PRMT8: variants seen among roughly 807,000 people sequenced by gnomAD.
PRMT8 encodes protein arginine N-methyltransferase 8.
In PRMT8, 7 loss-of-function variants were observed where a neutral mutation model predicts 47.1. The ratio of observed to expected loss-of-function variants is 0.15; its 90% CI spans 0.08 to 0.28. PRMT8 has a LOEUF of 0.28. Ranked by LOEUF, PRMT8 falls within the 10% of genes least tolerant of loss-of-function variation. The pLI, the probability that PRMT8 is intolerant of heterozygous loss-of-function variation, is 1.00. For synonymous variants in PRMT8, 188 were observed against 186.5 expected, an observed-to-expected ratio of 1.01 and a Z score of -0.07; for missense variants, 237 against 505.4, an observed-to-expected ratio of 0.47 and a Z score of 5.09.
At chr12:3,489,994 G>A (rs553773712), upstream of PRMT8, among the ~76,000 whole-genome samples, 23 of 152,240 alleles carry the variant, frequency 1.5e-4, no homozygotes, top group South Asian at 3.1e-3. Flanking sequence ...GTTTCCTACT[G>A]AGAATGATTC....
intron 1 of PRMT8, among the ~76,000 whole-genome samples, chr12:3,511,039 G>A (rs1865705434): frequency 1.3e-5 from 2 of 152,238 alleles, no homozygotes. Context: ...ATCTCAGTCT[G>A]TAGGCTTACC....
chr12:3,402,998 T>C (rs1438889885), intron 1 of PRMT8, among the ~76,000 whole-genome samples: 1 of 152,154 alleles, frequency 6.6e-6, no homozygotes, highest in African/African-American at 2.4e-5. Context: ...AATCATTCTA[T>C]TACAAAGATA....
intron 1 of PRMT8, among the ~76,000 whole-genome samples, chr12:3,483,199 G>A (rs918384184): frequency 6.6e-6 from 1 of 152,186 alleles, no homozygotes; most frequent in Non-Finnish European, 1.5e-5. Flanking sequence ...TCCGCAGTGG[G>A]TACTTGGCCT....
intron 1 of PRMT8, among the ~76,000 whole-genome samples, chr12:3,404,763 G>A (rs1864355738): frequency 6.6e-6 from 1 of 152,046 alleles, no homozygotes; most frequent in Non-Finnish European, 1.5e-5. Flanking sequence ...CTATGAGTAG[G>A]AATTTCTTGT....
intron 1 of PRMT8, among the ~76,000 whole-genome samples, chr12:3,459,395 A>AG (rs1330358645): frequency 6.6e-6 from 1 of 152,100 alleles, no homozygotes; most frequent in African/African-American, 2.4e-5. Flanking sequence ...TCCTCGATCG[A>AG]GGGGAAGCTC....
At chr12:3,592,107 G>A in intron 8 of PRMT8, 124 bp from the exon 9 acceptor site, 2 of 1,085,308 alleles carry the variant, frequency 1.8e-6, no homozygotes, top group Non-Finnish European at 2.6e-6. Context: ...GAGTACTGGG[G>A]TGGGTGGTTT....
rs1040982018 is a variant in PRMT8 at position 3,493,307 on chromosome 12, C to T, written c.75+1607C>T. ...CCAGCAGAAAGCCATCCTTACCATT[C>T]CCCTCACCCTCCGCCCTCTGATCGC... On this transcript the variant is annotated intron_variant, in intron 1 of 9. Transcript: ENST00000382622. This position sits in a 1 kb window ranked among gnomAD's most constrained non-coding sequence, Gnocchi z 8.2. 6.6e-6 allele frequency among the ~76,000 whole-genome samples: 1 copy of T among 152,156 alleles called. No individual in the cohort carries two copies. The highest frequency in any genetic ancestry group is 1.5e-5 in the Non-Finnish European group (1 of 68,024).
rs760538105 is a variant in PRMT8 at position 3,436,468 on chromosome 12, G to A, written c.48+55026G>A. ...TTTATCCCTCAGAACCCAGGTAGCT[G>A]CTTTCTTTCTTTCTTTTTTCTTTTT... On this transcript the variant is annotated intron_variant, in intron 1 of 9. Coordinates refer to the PRMT8 transcript ENST00000452611. This position sits in a 1 kb window ranked among gnomAD's most constrained non-coding sequence, Gnocchi z 4.2. Among the ~76,000 whole-genome samples the A allele has an allele frequency of 4.6e-5, 7 of 152,102 alleles. No homozygotes were observed. Among genetic ancestry groups the A allele is most frequent in the African/African-American group, 7.2e-5 (3 of 41,424 alleles).
At chr12:3,561,933 T>C (rs1472653941) in intron 4 of PRMT8, among the ~76,000 whole-genome samples, 3 of 152,174 alleles carry the variant, frequency 2.0e-5, no homozygotes, top group Admixed American at 6.5e-5. Flanking sequence ...GTCAGCACCT[T>C]ACAGGATCCT....
At chr12:3,529,339 C>T (rs1865992692) in intron 1 of PRMT8, among the ~76,000 whole-genome samples, 1 of 152,096 alleles carries the variant, frequency 6.6e-6, no homozygotes, top group African/African-American at 2.4e-5. Context: ...GCCTAATGTT[C>T]AATATCTCAA....
At chr12:3,447,491 C>T (rs76267831) in intron 1 of PRMT8, among the ~76,000 whole-genome samples, 10,762 of 152,170 alleles carry the variant, frequency 0.071, 426 homozygotes, top group Middle Eastern at 0.13. Flanking sequence ...CCCCCTCTCC[C>T]GCAGTGCCTC....
chr12:3,423,684 G>A (rs552532859), intron 1 of PRMT8, among the ~76,000 whole-genome samples: 1 of 152,270 alleles, frequency 6.6e-6, no homozygotes, highest in Admixed American at 6.5e-5. Flanking sequence ...ATCCAGTGGG[G>A]GCCATCCAGT....
intron 1 of PRMT8, among the ~76,000 whole-genome samples, chr12:3,526,453 C>T (rs1354016985): frequency 3.3e-5 from 5 of 152,212 alleles, no homozygotes; most frequent in Non-Finnish European, 7.3e-5. Context: ...TTTTCCACAG[C>T]AGCTGTGCCA....
rs183180928 is a variant in PRMT8, at chr12:3,521,372, G to A, written c.76-19234G>A. Among the ~76,000 whole-genome samples the A allele has an allele frequency of 5.4e-3, 815 of 152,168 alleles. 4 individuals are homozygous for A. The highest frequency in any genetic ancestry group is 0.01 in the Middle Eastern group (3 of 294). On this transcript the variant is annotated intron_variant, in intron 1 of 9. Transcript: ENST00000382622. The stretch of plus-strand genomic sequence containing the variant: ...GCGGATCACTTGAGGTCAGGAGTAC[G>A]AGACCAGCCTGGCCAACATGACGAA...
intron 1 of PRMT8, among the ~76,000 whole-genome samples, chr12:3,385,913 A>ATCAG (rs1383362351): frequency 2.3e-5 from 1 of 44,214 alleles, no homozygotes; most frequent in Non-Finnish European, 6.1e-5. Context: ...CTACTTGTTC[A>ATCAG]TCCGTCCATC....
At chr12:3,528,102 G>C (rs1865973743) in intron 1 of PRMT8, among the ~76,000 whole-genome samples, 1 of 152,078 alleles carries the variant, frequency 6.6e-6, no homozygotes, top group South Asian at 2.1e-4. Flanking sequence ...CAGTGGTGTA[G>C]AGCAATTTGA....
At position 3,436,818 on chromosome 12, in the gene PRMT8, A is replaced by T. The variant is rs1864747310; in HGVS notation, c.48+55376A>T. 6.6e-6 allele frequency among the ~76,000 whole-genome samples: 1 copy of T among 152,138 alleles called. No homozygotes were observed. Among genetic ancestry groups the T allele is most frequent in the Admixed American group, 6.5e-5 (1 of 15,276 alleles). ...AGCGGATCCAGCAGGCAAGGCTGCG[A>T]TTTCTCTCTACTGATGCTGTGGCCT... On this transcript the variant is annotated intron_variant, in intron 1 of 9. Transcript: ENST00000452611. The surrounding 1 kb of genome is among the most constrained non-coding windows in gnomAD (Gnocchi z 4.2).
chr12:3,579,240 G>C (rs1313673517), intron 7 of PRMT8, among the ~76,000 whole-genome samples: 3 of 152,118 alleles, frequency 2.0e-5, no homozygotes, highest in African/African-American at 7.2e-5. Context: ...ACTGGCTTCA[G>C]CTTGGGGATA....
chr12:3,568,903 A>G (rs1258860755), intron 5 of PRMT8, 55 bp downstream of exon 5: 1 of 1,607,026 alleles, frequency 6.2e-7, no homozygotes, highest in Non-Finnish European at 8.5e-7. Context: ...CTGCTCCTCT[A>G]CCCAAGGCCT....
Sources: gnomAD v4.1 joint callset for allele counts (sites outside exome capture counted in the v4.1 genomes callset) on GRCh38, gnomAD v4.1.1 for gene constraint, Gnocchi (gnomAD v3.1) non-coding constraint, MANE v1.5 for transcripts, NCBI Gene and HGNC (gene_info 2026-07-23, HGNC 2026-07-21) for gene names.